The following AKAP6 variants were observed in gnomAD, a reference collection of about 807,000 sequenced individuals.
AKAP6 encodes the protein A-kinase anchoring protein 6.
A neutral mutation model predicts 188.5 loss-of-function variants in AKAP6; 58 were observed. That is an observed-to-expected ratio of 0.31 (90% CI 0.25 to 0.38). The LOEUF is 0.38. Ranked by LOEUF, AKAP6 falls within the 10% of genes least tolerant of loss-of-function variation. AKAP6 has a pLI of 1.00. For synonymous variants in AKAP6, 989 were observed against 998.6 expected (o/e 0.99, Z 0.18); for missense variants, 2,710 against 2,740.0 (o/e 0.99, Z 0.24).
intron 1 of AKAP6, among the ~76,000 whole-genome samples, chr14:32,377,611 A>G (rs1237538699): frequency 6.6e-6 from 1 of 152,142 alleles, no homozygotes; most frequent in Non-Finnish European, 1.5e-5. Flanking sequence ...AGGGCTGCCC[A>G]TTTGGGTAAA....
intron 1 of AKAP6, among the ~76,000 whole-genome samples, chr14:32,410,787 C>T (rs1166459558): frequency 6.6e-6 from 1 of 151,920 alleles, no homozygotes. Context: ...TTGTTTTTTA[C>T]TTTTTAATTA....
chr14:32,826,804 T>C (rs1345522689), intron 13 of AKAP6, among the ~76,000 whole-genome samples: 1 of 152,148 alleles, frequency 6.6e-6, no homozygotes, highest in East Asian at 1.9e-4. Flanking sequence ...GCAGGGACAA[T>C]GTCAAACTAG....
intron 2 of AKAP6, among the ~76,000 whole-genome samples, chr14:32,493,816 G>T (rs1020777976): frequency 1.3e-5 from 2 of 152,156 alleles, no homozygotes; most frequent in African/African-American, 4.8e-5. Flanking sequence ...AACCAGCTCT[G>T]CAGAGATGAC....
rs145620801 is a variant in AKAP6 at position 32,705,910 on chromosome 14, G to A, written c.3000+9800G>A. Reference sequence around the variant, plus strand: ...GGGAGCTCTAGCGGGTCTCACTCTGGCCATTAAGCCTTCTACCTGGAAGAA... The same window carrying A: ...GGGAGCTCTAGCGGGTCTCACTCTGACCATTAAGCCTTCTACCTGGAAGAA... On this transcript the variant is annotated intron_variant, in intron 9 of 13. Transcript: ENST00000280979. Among the ~76,000 whole-genome samples the A allele has an allele frequency of 6.6e-5, 10 of 152,184 alleles. No individual in the cohort carries two copies. The East Asian group carries it at 1.2e-3, about 18-fold the overall frequency.
intron 1 of AKAP6, among the ~76,000 whole-genome samples, chr14:32,350,582 G>A (rs1253912371): frequency 6.6e-6 from 1 of 152,038 alleles, no homozygotes. Context: ...AATAAAGTCT[G>A]GAGTTTAATT....
intron 7 of AKAP6, among the ~76,000 whole-genome samples, chr14:32,630,122 C>T (rs1443997433): frequency 5.3e-5 from 8 of 152,058 alleles, no homozygotes; most frequent in Non-Finnish European, 1.5e-5. Context: ...TCTCAACTGC[C>T]TCTTCTTGTT....
intron 1 of AKAP6, among the ~76,000 whole-genome samples, chr14:32,388,776 T>C (rs1888613528): frequency 6.6e-6 from 1 of 152,186 alleles, no homozygotes; most frequent in Non-Finnish European, 1.5e-5. Context: ...ACCTATCATA[T>C]GGTCTATATT....
At chr14:32,593,158 C>A (rs1326464792) in intron 5 of AKAP6, among the ~76,000 whole-genome samples, 2 of 151,846 alleles carry the variant, frequency 1.3e-5, no homozygotes, top group Non-Finnish European at 2.9e-5. Flanking sequence ...AGACATGCAA[C>A]AAATAAGAAA....
chr14:32,648,846 G>A (rs1888089720), intron 7 of AKAP6, among the ~76,000 whole-genome samples: 1 of 152,164 alleles, frequency 6.6e-6, no homozygotes, highest in South Asian at 2.1e-4. Context: ...TCATTCATGA[G>A]GCGGTACCTC....
At chr14:32,747,461 T>A (rs1313685418) in intron 11 of AKAP6, among the ~76,000 whole-genome samples, 2 of 152,218 alleles carry the variant, frequency 1.3e-5, no homozygotes, top group African/African-American at 4.8e-5. Flanking sequence ...TAATCCTTTC[T>A]ACATATCATA....
intron 5 of AKAP6, among the ~76,000 whole-genome samples, chr14:32,579,372 A>G (rs904143956): frequency 2.0e-5 from 3 of 152,148 alleles, no homozygotes; most frequent in African/African-American, 7.2e-5. Context: ...TTTCTCTACT[A>G]TCCCATGTCT....
intron 8 of AKAP6, among the ~76,000 whole-genome samples, chr14:32,684,158 T>C (rs1889810820): frequency 6.6e-6 from 1 of 151,468 alleles, no homozygotes. Context: ...AGCTCAGAAA[T>C]GTTTTGGCTT....
At chr14:32,760,921 G>A (rs547353540) in intron 11 of AKAP6, among the ~76,000 whole-genome samples, 22 of 152,200 alleles carry the variant, frequency 1.4e-4, no homozygotes, top group African/African-American at 4.6e-4. Flanking sequence ...TTGCTGTTAT[G>A]TATTGGTTAA....
chr14:32,460,725 T>C (rs1048109146), intron 2 of AKAP6, among the ~76,000 whole-genome samples: 1 of 152,170 alleles, frequency 6.6e-6, no homozygotes, highest in Non-Finnish European at 1.5e-5. Context: ...ACAGAACAGC[T>C]CACTCCCCTG....
rs754826182 is a variant in AKAP6 at position 32,824,615 on chromosome 14, C to A, written c.6802C>A (p.His2268Asn). The A allele has an allele frequency of 6.2e-7, 1 of 1,613,918 alleles. No homozygotes were observed. The highest frequency in any genetic ancestry group is 8.5e-7 in the Non-Finnish European group (1 of 1,179,934). Reference protein sequence around the residue: ...KPGESGMPEEHNAASAKSKVQ... With the variant: ...KPGESGMPEENNAASAKSKVQ... ...AGGTGAATCTGGAATGCCAGAAGAA[C>A]ATAATGCTGCTTCAGCCAAATCTAA... The change falls in exon 13 of 14, where the codon CAT (histidine) becomes AAT (asparagine). Residue 2268 changes from histidine (H) to asparagine (N), a missense_variant. Around this residue, in one of 2 missense-constraint regions of AKAP6, gnomAD observed 2,473 missense variants for 2,426.1 expected, o/e 1.02. Coordinates refer to ENST00000280979, the MANE Select transcript of AKAP6 (RefSeq NM_004274.5).
intron 2 of AKAP6, among the ~76,000 whole-genome samples, chr14:32,508,871 G>T (rs1881008932): frequency 1.3e-5 from 2 of 151,578 alleles, no homozygotes; most frequent in South Asian, 4.2e-4. Context: ...CTGTTGCCAG[G>T]CTGGAGTGCA....
intron 2 of AKAP6, among the ~76,000 whole-genome samples, chr14:32,483,249 T>A (rs1006404056): frequency 5.3e-5 from 8 of 152,148 alleles, no homozygotes; most frequent in Non-Finnish European, 2.9e-5. Flanking sequence ...AGTTGTATTC[T>A]CTTTTGTATA....
Position 32,372,284 on chromosome 14 carries a change from A to AT in AKAP6, c.-35+42886dup, listed in dbSNP as rs143018674. 3.7e-3 allele frequency among the ~76,000 whole-genome samples: 556 copies of AT among 149,084 alleles called. 1 individual carries two copies. The highest frequency in any genetic ancestry group is 0.014 in the Middle Eastern group (4 of 292). On this transcript the variant is annotated intron_variant, in intron 1 of 13. Transcript: ENST00000280979. ...CATTTTTTTCTTTTACTTGTGATGC[A>AT]TTTTTTTTTTGTGGCTTCTGTGACT...
intron 1 of AKAP6, among the ~76,000 whole-genome samples, chr14:32,368,876 G>GAA (rs150876565): frequency 5.9e-5 from 8 of 135,782 alleles, no homozygotes; most frequent in African/African-American, 1.1e-4. Context: ...ATATTAAGAA[G>GAA]AAGAAAAAAA....
Sources: gnomAD v4.1 joint callset for allele counts (sites outside exome capture counted in the v4.1 genomes callset) on GRCh38, gnomAD v4.1.1 for gene constraint, gnomAD v4.1.1 regional missense constraint, MANE v1.5 for transcripts, NCBI Gene and HGNC (gene_info 2026-07-23, HGNC 2026-07-21) for gene names.